Variants in C1orf159 observed in about 807,000 individuals in gnomAD.
The protein encoded by C1orf159 is chromosome 1 open reading frame 159, also known as uncharacterized protein C1orf159.
Under a neutral mutation model 25.6 loss-of-function variants are expected in C1orf159, and 19 were observed. That is an observed-to-expected ratio of 0.74 (90% CI 0.52 to 1.09). The LOEUF (loss-of-function observed/expected upper bound fraction) is 1.09. Among genes scored for constraint, C1orf159 ranks in the 50% least tolerant of loss-of-function variants. The probability of loss-of-function intolerance (pLI) is 0.00; values close to 1 mark genes in which losing one functional copy is unlikely to be tolerated. For missense variants in C1orf159, 274 were observed against 290.6 expected, an observed-to-expected ratio of 0.94 and a Z score of 0.42; for synonymous variants, 139 against 124.7, an observed-to-expected ratio of 1.12 and a Z score of -0.77.
intron 4 of C1orf159, among the ~76,000 whole-genome samples, chr1:1,088,716 G>A (rs942322595): frequency 6.6e-6 from 1 of 152,098 alleles, no homozygotes; most frequent in African/African-American, 2.4e-5. Context: ...GCGGCTGCTG[G>A]TGCGGGCCAC....
At chr1:1,097,112 A>G (rs1009496801) in intron 1 of C1orf159, among the ~76,000 whole-genome samples, 1 of 151,668 alleles carries the variant, frequency 6.6e-6, no homozygotes, top group African/African-American at 2.4e-5. Context: ...GATTTGTGCT[A>G]TCTGTTTCTT....
chr1:1,087,733 C>T lies in C1orf159; in HGVS notation c.149-136G>A, dbSNP rs1449876024. The T allele has an allele frequency of 2.1e-5, 15 of 706,642 alleles. No individual in the cohort carries two copies. Among genetic ancestry groups the T allele is most frequent in the Admixed American group, 5.2e-5 (2 of 38,602 alleles). 43.8% of individuals were successfully genotyped at this position (706,642 alleles called of 1,614,324 possible). On this transcript the variant is annotated intron_variant, in intron 4 of 9. Coordinates refer to ENST00000421241, the MANE Select transcript of C1orf159 (RefSeq NM_017891.5). The surrounding 1 kb of genome is among the most constrained non-coding windows in gnomAD (Gnocchi z 8.3). ...TAACATGCTCTGGAGGGTAGGTGGGCGGCAGACAAGGACACCCCCAGGGAG... is the reference window on the plus strand; with the variant it reads ...TAACATGCTCTGGAGGGTAGGTGGGTGGCAGACAAGGACACCCCCAGGGAG...
chr1:1,090,572 T>A, intron 3 of C1orf159, 144 bp from the exon 4 acceptor site: 1 of 874,176 alleles, frequency 1.1e-6, no homozygotes, highest in Non-Finnish European at 1.8e-6. Context: ...CGGGTGGCCC[T>A]CTGTCCCCTG....
rs78662953 is a variant in C1orf159 at position 1,090,528 on chromosome 1, T to C, written c.73-100A>G. ...GGGGTGCCGTGGGAGCACATCTCAATGTCCGCAGCTCCGGCCTCTTCTGGA... is the reference window on the plus strand; with the variant it reads ...GGGGTGCCGTGGGAGCACATCTCAACGTCCGCAGCTCCGGCCTCTTCTGGA... On this transcript the variant is annotated intron_variant, in intron 3 of 9. Transcript: ENST00000421241. 4,358 of 1,226,602 alleles carry C rather than the reference T, an allele frequency of 3.6e-3. 112 individuals are homozygous for C. The African/African-American group carries it at 0.057, about 16-fold the overall frequency. 76.0% of individuals were successfully genotyped at this position (1,226,602 alleles called of 1,614,324 possible). A position where few individuals can be genotyped will look rare whatever the true frequency, so the allele number is the denominator to read the frequency against.
chr1:1,115,391 G>A (rs536286282), intron 1 of C1orf159, among the ~76,000 whole-genome samples: 2 of 152,260 alleles, frequency 1.3e-5, no homozygotes, highest in South Asian at 2.1e-4. Context: ...CGACTTCTAG[G>A]ACACCGGGGA....
intron 1 of C1orf159, among the ~76,000 whole-genome samples, chr1:1,111,704 T>C (rs1292522481): frequency 6.6e-6 from 1 of 152,102 alleles, no homozygotes; most frequent in Non-Finnish European, 1.5e-5. Flanking sequence ...CAGCAGTAAC[T>C]GAAAAGGGGA....
chr1:1,100,541 G>A (rs1244551991), intron 1 of C1orf159, among the ~76,000 whole-genome samples: 2 of 152,110 alleles, frequency 1.3e-5, no homozygotes, highest in Non-Finnish European at 2.9e-5. Flanking sequence ...GCGCACTCTT[G>A]GTGCTGCACG....
At chr1:1,105,201 G>A (rs899893104) in intron 1 of C1orf159, among the ~76,000 whole-genome samples, 7 of 152,218 alleles carry the variant, frequency 4.6e-5, no homozygotes, top group Non-Finnish European at 7.3e-5. Flanking sequence ...GCCAACTACC[G>A]TAAAAGTTTA....
In C1orf159 at chr1:1,090,358, C is replaced by G; in HGVS notation, c.143G>C (p.Gly48Ala). ...NASCPGASLC[G>A]PGCYRRWNAD... ...CTTGGGACAAAGCGGCTTACCTGGA[C>G]CACACAGACTTGCGCCTGGGCAGCT... Residue 48 changes from glycine (G) to alanine (A), a missense_variant, in exon 4 of 10, where the codon GGT becomes GCT. Physicochemically the swap from Gly to Ala is moderately conservative, Grantham distance 60. Transcript: ENST00000421241. The G allele has an allele frequency of 6.4e-7, 1 of 1,550,542 alleles. No homozygotes were observed. Among genetic ancestry groups the G allele is most frequent in the Non-Finnish European group, 8.7e-7 (1 of 1,146,954 alleles).
chr1:1,092,738 C>A (rs549027245), intron 1 of C1orf159: 4 of 152,562 alleles, frequency 2.6e-5, no homozygotes, highest in African/African-American at 9.6e-5. Flanking sequence ...CACTCTGTCA[C>A]CCATTCCATG....
intron 2 of C1orf159, 118 bp downstream of exon 2, chr1:1,091,873 C>T (rs1645944594): frequency 8.7e-6 from 4 of 460,806 alleles, no homozygotes; most frequent in East Asian, 9.5e-5. Flanking sequence ...GGGGCAGGGC[C>T]GTGGCAGGGG....
At chr1:1,086,419 A>T (rs1188977774) in intron 6 of C1orf159, among the ~76,000 whole-genome samples, 1 of 152,204 alleles carries the variant, frequency 6.6e-6, no homozygotes, top group Non-Finnish European at 1.5e-5. Flanking sequence ...GCAGAGCCTC[A>T]AGCTGGCAGC....
intron 1 of C1orf159, among the ~76,000 whole-genome samples, chr1:1,099,676 A>C (rs1377905937): frequency 2.2e-5 from 3 of 135,874 alleles, no homozygotes; most frequent in Non-Finnish European, 4.7e-5. Context: ...TTGTCTGCTG[A>C]TGTTTTTGGT....
intron 1 of C1orf159, among the ~76,000 whole-genome samples, chr1:1,111,898 C>G (rs1484858240): frequency 6.6e-6 from 1 of 152,256 alleles, no homozygotes. Flanking sequence ...GCCTCTCTAC[C>G]TAAAGATCCC....
chr1:1,108,152 C>G (rs1646202205), intron 1 of C1orf159, among the ~76,000 whole-genome samples: 1 of 150,632 alleles, frequency 6.6e-6, no homozygotes, highest in Non-Finnish European at 1.5e-5. Flanking sequence ...CAGCACCGTC[C>G]ACCACAGCCA....
rs564699159 is a variant in C1orf159, at chr1:1,084,028, A to G, written c.502+325T>C. On this transcript the variant is annotated intron_variant, in intron 9 of 9. Coordinates refer to ENST00000421241, the MANE Select transcript of C1orf159 (RefSeq NM_017891.5). ...CGGGTGGAGCTGGACTTCAAGGAGG[A>G]GCAGGTATTGGGGGTCTGCCCTGTC... is the stretch of plus-strand genomic sequence containing the variant. 4.7e-5 allele frequency: 76 copies of G among 1,607,004 alleles called. No homozygotes were observed. In the African/African-American group the frequency reaches 6.0e-4, roughly 13 times the overall value.
chr1:1,102,553 G>T (rs1646115654), intron 1 of C1orf159, among the ~76,000 whole-genome samples: 1 of 145,794 alleles, frequency 6.9e-6, no homozygotes, highest in South Asian at 2.2e-4. Context: ...GCTGAGGTAG[G>T]TGGATCACCT....
Position 1,087,572 on chromosome 1 carries a change from G to T in C1orf159, c.174C>A (p.Asp58Glu), listed in dbSNP as rs892371017. 9.7e-6 allele frequency: 15 copies of T among 1,548,246 alleles called. No individual in the cohort carries two copies. Residue 58 changes from aspartate (D) to glutamate (E), a missense_variant, in exon 5 of 10, where the codon GAC (aspartate) becomes GAA (glutamate). Coordinates refer to ENST00000421241, the MANE Select transcript of C1orf159 (RefSeq NM_017891.5). The surrounding 1 kb of genome is among the most constrained non-coding windows in gnomAD (Gnocchi z 8.3). ...GPGCYRRWNA[D>E]GSASCVRCGN... Reference sequence around the variant, plus strand: ...CACAGCGGACGCAGCTGGCGCTCCCGTCCGCGTTCCAGCGCCTGTAACAGC... The same window carrying T: ...CACAGCGGACGCAGCTGGCGCTCCCTTCCGCGTTCCAGCGCCTGTAACAGC...
intron 3 of C1orf159, chr1:1,090,803 C>T: frequency 1.6e-6 from 2 of 1,289,794 alleles, no homozygotes; most frequent in South Asian, 1.3e-5. Flanking sequence ...CCGGGCCTGG[C>T]TGGCATTTCA....
Sources: allele counts gnomAD v4.1 joint callset (sites outside exome capture counted in the v4.1 genomes callset), GRCh38; gene constraint gnomAD v4.1.1; non-coding constraint Gnocchi (gnomAD v3.1); transcripts MANE v1.5; gene names NCBI Gene and HGNC (gene_info 2026-07-23, HGNC 2026-07-21).